RYR1: variants seen among roughly 807,000 people sequenced by gnomAD.
The protein encoded by RYR1 is central core disease of muscle.
Under a neutral mutation model 583.5 loss-of-function variants are expected in RYR1, and 342 were observed. The ratio of observed to expected loss-of-function variants is 0.59; its 90% CI spans 0.54 to 0.64. The LOEUF (loss-of-function observed/expected upper bound fraction) is 0.64. Ranked by LOEUF, RYR1 falls within the 30% of genes least tolerant of loss-of-function variation. The probability of loss-of-function intolerance (pLI) is 0.00; values close to 1 mark genes in which losing one functional copy is unlikely to be tolerated. For synonymous variants in RYR1, 2,791 were observed against 2,822.5 expected (o/e 0.99, Z 0.35); for missense variants, 6,032 against 6,917.2 (o/e 0.87, Z 4.54).
chr19:38,528,736 A>G (rs771139707), intron 75 of RYR1, 41 bp downstream of exon 75: 22 of 1,603,534 alleles, frequency 1.4e-5, no homozygotes, highest in Non-Finnish European at 1.7e-5. Flanking sequence ...GGCGAGCTGG[A>G]TAGGGCTGGG....
chr19:38,457,641 C>G lies in RYR1; in HGVS notation c.1925+11C>G. On this transcript the variant is annotated intron_variant, in intron 17 of 105. Transcript: ENST00000359596. ...CAACTATGTCACCAGGTCTGGCTCT[C>G]AACATCTGACCCCAGAACTCAGAAC... 1.2e-6 allele frequency: 2 copies of G among 1,613,912 alleles called. No individual in the cohort carries two copies. The highest frequency in any genetic ancestry group is 1.7e-5 in the Admixed American group (1 of 60,022).
At position 38,511,560 on chromosome 19, in the gene RYR1, G is replaced by C. The variant is rs769554094; in HGVS notation, c.9123-1G>C. On this transcript the variant is annotated splice_acceptor_variant, in intron 60 of 105. Transcript: ENST00000359596. LOFTEE classifies it high-confidence loss of function. Reference sequence around the variant, plus strand: ...CCTTCTGTCCCTTTCTCTTTCTTCAGCCTCTTCTGCAAACTTGCTGCTCTC... The same window carrying C: ...CCTTCTGTCCCTTTCTCTTTCTTCACCCTCTTCTGCAAACTTGCTGCTCTC... 3 of 1,613,646 alleles carry C rather than the reference G, an allele frequency of 1.9e-6. No homozygotes were observed. The highest frequency in any genetic ancestry group is 2.5e-6 in the Non-Finnish European group (3 of 1,179,992).
rs745885315 is a variant in RYR1 at position 38,502,654 on chromosome 19, C to G, written c.7762C>G (p.Arg2588Gly). The change falls in exon 48 of 106, where the codon CGC (arginine) becomes GGC (glycine). Residue 2588 changes from arginine (R) to glycine (G), a missense_variant. Transcript: ENST00000359596. ...MVDSMLHTVY[R>G]LSRGRSLTKA... ...GGACTCTATGCTGCATACCGTGTAC[C>G]GCCTGTCTCGGGGTCGTTCGCTCAC... 1 of 1,612,492 alleles carries G rather than the reference C, an allele frequency of 6.2e-7. No homozygotes were observed. Among genetic ancestry groups the G allele is most frequent in the Non-Finnish European group, 8.5e-7 (1 of 1,179,894 alleles).
At chr19:38,504,114 T>C in intron 49 of RYR1, 106 bp from the exon 50 acceptor site, 1 of 1,284,412 alleles carries the variant, frequency 7.8e-7, no homozygotes, top group Non-Finnish European at 1.1e-6. Flanking sequence ...CACACCTCCT[T>C]CATAATTTAA....
rs558464365 is a variant in RYR1 at position 38,483,575 on chromosome 19, G to A, written c.4934+59G>A. 7 of 1,455,924 alleles carry A rather than the reference G, an allele frequency of 4.8e-6. No individual in the cohort carries two copies. In the South Asian group the frequency reaches 8.5e-5, roughly 18 times the overall value. The allele number at this position is 1,455,924 out of a possible 1,614,324, so 90.2% of individuals were successfully genotyped here. On this transcript the variant is annotated intron_variant, in intron 33 of 105. Coordinates refer to ENST00000359596, the MANE Select transcript of RYR1 (RefSeq NM_000540.3). This position sits in a 1 kb window ranked among gnomAD's most constrained non-coding sequence, Gnocchi z 6.3. ...GGTGTTGCAAGCCCTCTGGGGTCTGGGTCCCACTCAGTGCCCCTCCTCAAC... is the reference window on the plus strand; with the variant it reads ...GGTGTTGCAAGCCCTCTGGGGTCTGAGTCCCACTCAGTGCCCCTCCTCAAC...
rs77216903 is a variant in RYR1, at chr19:38,505,359, C to T, written c.8361C>T (p.Thr2787=). ...YGENIDEELK[T]HPMLRPYKTF... is the part of the protein sequence containing the mutation. Reference sequence around the variant, plus strand: ...AGAACATAGACGAGGAGCTGAAGACCCACCCCATGCTGAGGCCCTACAAGA... The same window carrying T: ...AGAACATAGACGAGGAGCTGAAGACTCACCCCATGCTGAGGCCCTACAAGA... Residue 2787 remains threonine (T), a synonymous_variant, in exon 53 of 106, where the codon ACC becomes ACT. Transcript: ENST00000359596. 8.5e-4 allele frequency: 1,371 copies of T among 1,612,366 alleles called. 13 individuals are homozygous for T. The African/African-American group carries it at 0.015, about 17-fold the overall frequency.
At chr19:38,493,135 G>C (rs1373023272) in intron 38 of RYR1, among the ~76,000 whole-genome samples, 1 of 152,114 alleles carries the variant, frequency 6.6e-6, no homozygotes, top group Admixed American at 6.5e-5. Context: ...TGTAGAACGT[G>C]TGTGTTGGAC....
intron 1 of RYR1, among the ~76,000 whole-genome samples, chr19:38,434,487 G>T (rs537457090): frequency 6.6e-6 from 1 of 152,202 alleles, no homozygotes; most frequent in Non-Finnish European, 1.5e-5. Flanking sequence ...GTCTCTTTGG[G>T]TGTCTCCATG....
Position 38,443,576 on chromosome 19 carries a change from C to G in RYR1, c.289C>G (p.His97Asp). 1.2e-6 allele frequency: 2 copies of G among 1,614,052 alleles called. No individual in the cohort carries two copies. The highest frequency in any genetic ancestry group is 1.7e-6 in the Non-Finnish European group (2 of 1,179,946). Residue 97 changes from histidine (H) to aspartate (D), a missense_variant, in exon 4 of 106, where the codon CAC becomes GAC. Around this residue, in one of 11 missense-constraint regions of RYR1, gnomAD observed 338 missense variants for 441.6 expected, o/e 0.77. Coordinates refer to ENST00000359596, the MANE Select transcript of RYR1 (RefSeq NM_000540.3). The part of the protein sequence containing the change: ...AGVESSQGGG[H>D]RTLLYGHAIL... ...CCTGCAGTCATCCCAGGGCGGGGGA[C>G]ACAGGACGCTCCTGTATGGCCATGC... is the stretch of plus-strand genomic sequence containing the variant.
chr19:38,519,097 T>C, intron 66 of RYR1, 117 bp from the exon 67 acceptor site: 19 of 1,548,378 alleles, frequency 1.2e-5, no homozygotes, highest in Non-Finnish European at 1.5e-5. Flanking sequence ...AGGGTCAGGC[T>C]GGGGTCAAAT....
chr19:38,502,460 G>A, intron 47 of RYR1, 47 bp from the exon 48 acceptor site: 1 of 1,548,636 alleles, frequency 6.5e-7, no homozygotes, highest in Non-Finnish European at 8.8e-7. Flanking sequence ...TGCCAGAGCA[G>A]CCCCAGGGGT....
At chr19:38,480,908 A>G (rs1003915767) in intron 31 of RYR1, among the ~76,000 whole-genome samples, 2 of 151,864 alleles carry the variant, frequency 1.3e-5, no homozygotes, top group East Asian at 3.9e-4. Context: ...TTGTATTTTT[A>G]GTAGAGACGG....
intron 81 of RYR1, 80 bp downstream of exon 81, chr19:38,535,472 G>T (rs1971925914): frequency 4.7e-6 from 5 of 1,061,344 alleles, no homozygotes; most frequent in South Asian, 2.5e-5. Flanking sequence ...TTCCAGTTCT[G>T]ATTCTGCTCT....
chr19:38,540,255 A>T (rs1231267071), intron 84 of RYR1, among the ~76,000 whole-genome samples: 3 of 151,886 alleles, frequency 2.0e-5, no homozygotes, highest in Non-Finnish European at 4.4e-5. Context: ...CAGGAGGATC[A>T]CTTGAGCCCA....
At chr19:38,572,363 AAAGTGG>A in intron 95 of RYR1, 93 bp downstream of exon 95, 1 of 1,321,142 alleles carries the variant, frequency 7.6e-7, no homozygotes, top group Non-Finnish European at 1.0e-6. Context: ...GGGGGCCCTC[AAAGTGG>A]TTGGGACAGA....
intron 66 of RYR1, among the ~76,000 whole-genome samples, chr19:38,517,996 A>G (rs943375928): frequency 1.3e-5 from 2 of 152,068 alleles, no homozygotes; most frequent in African/African-American, 4.8e-5. Flanking sequence ...GCACATGCTT[A>G]TAGTCCCAGC....
rs374477216 is a variant in RYR1, at chr19:38,466,314, C to T, written c.3094C>T (p.Arg1032Cys). The T allele has an allele frequency of 1.7e-5, 28 of 1,608,818 alleles. No homozygotes were observed. The East Asian group carries it at 2.2e-4, about 13-fold the overall frequency. The change falls in exon 24 of 106, where the codon CGC (arginine) becomes TGC (cysteine). Residue 1032 changes from arginine to cysteine, a missense_variant. Arg to Cys is a radical substitution (Grantham distance 180, BLOSUM62 -3). This residue lies in a region of RYR1 where 2,627 missense variants were observed against 2,961.3 expected (regional missense o/e 0.89). Coordinates refer to ENST00000359596, the MANE Select transcript of RYR1 (RefSeq NM_000540.3). Reference protein sequence around the residue: ...PYRLLDEATKRSNRDSLCQAV... With the variant: ...PYRLLDEATKCSNRDSLCQAV... ...CCGCCTGCTGGATGAAGCCACCAAG[C>T]GCAGCAACCGGGACAGCCTCTGCCA...
intron 1 of RYR1, among the ~76,000 whole-genome samples, chr19:38,437,375 G>C (rs1228966719): frequency 6.6e-6 from 1 of 152,036 alleles, no homozygotes; most frequent in East Asian, 1.9e-4. Context: ...TTCAGGAAAA[G>C]TTTGAGAATC....
Position 38,463,899 on chromosome 19 carries a change from G to A in RYR1, c.2786+49G>A, listed in dbSNP as rs770472287. 31 of 1,366,996 alleles carry A rather than the reference G, an allele frequency of 2.3e-5. No homozygotes were observed. In the Admixed American group the frequency reaches 3.0e-4, roughly 13 times the overall value. The allele number at this position is 1,366,996 out of a possible 1,614,324, so 84.7% of individuals were successfully genotyped here. A position where few individuals can be genotyped will look rare whatever the true frequency, so the allele number is the denominator to read the frequency against. ...GTTGGGGCTGGCTGCTGGTGCGGTG[G>A]GGGAGGGAGGCATGGAGAGACAGGG... On this transcript the variant is annotated intron_variant, in intron 22 of 105. Coordinates refer to ENST00000359596, the MANE Select transcript of RYR1 (RefSeq NM_000540.3).
Sources: gnomAD v4.1 joint callset for allele counts (sites outside exome capture counted in the v4.1 genomes callset) on GRCh38, gnomAD v4.1.1 for gene constraint, gnomAD v4.1.1 regional missense constraint, Gnocchi (gnomAD v3.1) non-coding constraint, MANE v1.5 for transcripts, NCBI Gene and HGNC (gene_info 2026-07-23, HGNC 2026-07-21) for gene names.